The following ETFA variants were observed in gnomAD, a reference collection of about 807,000 sequenced individuals.
ETFA encodes the protein electron transfer flavoprotein subunit alpha.
A neutral mutation model predicts 46.2 loss-of-function variants in ETFA; 22 were observed. The observed-to-expected ratio is 0.48, with a 90% CI of 0.34 to 0.68. The LOEUF (loss-of-function observed/expected upper bound fraction) is 0.68, where lower values mean the gene tolerates loss of function less well. Among genes scored for constraint, ETFA ranks in the 30% least tolerant of loss-of-function variants. The pLI is 0.01. For synonymous variants in ETFA, 131 were observed against 139.9 expected, an observed-to-expected ratio of 0.94 and a Z score of 0.45; for missense variants, 345 against 401.1, an observed-to-expected ratio of 0.86 and a Z score of 1.19.
chr15:76,257,279 G>A (rs1377269536), intron 9 of ETFA, among the ~76,000 whole-genome samples: 1 of 152,128 alleles, frequency 6.6e-6, no homozygotes, highest in African/African-American at 2.4e-5. Flanking sequence ...GGGGAAGTTG[G>A]CACTAAAGTT....
chr15:76,295,525 T>G (rs1334151004), intron 2 of ETFA, 66 bp downstream of exon 2: 1 of 1,369,208 alleles, frequency 7.3e-7, no homozygotes, highest in Non-Finnish European at 1.0e-6. Flanking sequence ...TAATTCTCTG[T>G]TGCCATCTTT....
intron 1 of ETFA, among the ~76,000 whole-genome samples, chr15:76,310,315 G>T (rs1241487978): frequency 1.4e-4 from 19 of 134,698 alleles, no homozygotes; most frequent in Non-Finnish European, 2.8e-4. Flanking sequence ...AAGAGCTCCA[G>T]CTATGCCTCA....
chr15:76,258,165 T>TGTA (rs1277446983), intron 9 of ETFA, among the ~76,000 whole-genome samples: 21 of 141,030 alleles, frequency 1.5e-4, no homozygotes, highest in Admixed American at 1.4e-4. Context: ...AAACTTAAAG[T>TGTA]ATAATAATAA....
At chr15:76,223,216 C>CTTTTTTTT (rs3065601) in intron 11 of ETFA, among the ~76,000 whole-genome samples, 1 of 122,022 alleles carries the variant, frequency 8.2e-6, no homozygotes, top group Non-Finnish European at 1.6e-5. Context: ...TACTTCAGAA[C>CTTTTTTTT]TTTTTTTTTT....
At chr15:76,271,380 C>T (rs530285309) in intron 9 of ETFA, among the ~76,000 whole-genome samples, 18 of 152,144 alleles carry the variant, frequency 1.2e-4, no homozygotes, top group Non-Finnish European at 2.4e-4. Flanking sequence ...GGTATCACTT[C>T]TGTGATATTC....
At position 76,244,662 on chromosome 15, in the gene ETFA, A is replaced by G. The variant is rs1486607853; in HGVS notation, c.817-13264T>C. Among the ~76,000 whole-genome samples, 4 of 135,770 alleles carry G rather than the reference A, an allele frequency of 2.9e-5. No homozygotes were observed. The East Asian group carries it at 1.2e-3, about 40-fold the overall frequency. 89.1% of individuals were successfully genotyped at this position (135,770 alleles called of 152,430 possible). On this transcript the variant is annotated intron_variant, in intron 9 of 11. Transcript: ENST00000557943. Reference sequence around the variant, plus strand: ...TATGAGAAAATACATTGGTTTTTATAGGAAAAAAAAAAAACAAAATTACAT... The same window carrying G: ...TATGAGAAAATACATTGGTTTTTATGGGAAAAAAAAAAAACAAAATTACAT...
At chr15:76,222,947 A>G (rs2038972054) in intron 11 of ETFA, among the ~76,000 whole-genome samples, 1 of 150,950 alleles carries the variant, frequency 6.6e-6, no homozygotes, top group South Asian at 2.1e-4. Context: ...TGAACCTCCT[A>G]CCTCAGTCTC....
At chr15:76,231,209 T>TC in intron 10 of ETFA, 124 bp downstream of exon 10, 2 of 743,374 alleles carry the variant, frequency 2.7e-6, no homozygotes, top group Non-Finnish European at 2.5e-6. Flanking sequence ...TTCTTTCAGT[T>TC]CCCAGATCTA....
intron 6 of ETFA, 53 bp downstream of exon 6, chr15:76,286,318 T>C: frequency 1.0e-6 from 1 of 968,726 alleles, no homozygotes; most frequent in East Asian, 2.4e-5. Flanking sequence ...TAATACAGTC[T>C]ATGAATTAAA....
intron 11 of ETFA, among the ~76,000 whole-genome samples, chr15:76,220,095 T>A (rs1161921666): frequency 1.3e-5 from 2 of 152,174 alleles, no homozygotes; most frequent in Non-Finnish European, 2.9e-5. Context: ...TGAGATGGGT[T>A]CTCTTTTGCC....
intron 4 of ETFA, among the ~76,000 whole-genome samples, chr15:76,291,812 A>G (rs1403194119): frequency 2.6e-5 from 4 of 152,256 alleles, no homozygotes; most frequent in Non-Finnish European, 5.9e-5. Flanking sequence ...ACAAAAGAAA[A>G]GAGAGCTAAG....
chr15:76,242,754 T>C (rs1331624472), intron 9 of ETFA, among the ~76,000 whole-genome samples: 4 of 152,192 alleles, frequency 2.6e-5, no homozygotes, highest in African/African-American at 9.6e-5. Context: ...AATGTGAAAA[T>C]GTGCTAAATG....
chr15:76,256,165 C>G (rs1258169188), intron 9 of ETFA, among the ~76,000 whole-genome samples: 1 of 150,524 alleles, frequency 6.6e-6, no homozygotes, highest in Non-Finnish European at 1.5e-5. Context: ...GGCTGAGGCA[C>G]CAGAATCACT....
chr15:76,310,009 A>T (rs1425852570), intron 1 of ETFA: 1 of 149,768 alleles, frequency 6.7e-6, no homozygotes, highest in Non-Finnish European at 1.4e-5. Flanking sequence ...AGGCAGGTGG[A>T]TCACTTGAGG....
intron 2 of ETFA, among the ~76,000 whole-genome samples, chr15:76,293,806 A>G (rs1316348563): frequency 6.6e-6 from 1 of 152,240 alleles, no homozygotes; most frequent in Admixed American, 6.5e-5. Flanking sequence ...TGCTAAACCA[A>G]GTGTTCACCG....
Position 76,295,731 on chromosome 15 carries a change from A to G in ETFA, c.46T>C (p.Leu16=). 1.2e-6 allele frequency: 2 copies of G among 1,611,874 alleles called. No homozygotes were observed. The highest frequency in any genetic ancestry group is 1.1e-5 in the South Asian group (1 of 91,008). ...ACCAGGGTACTCTGAAATCGTAGCA[A>G]TGAGGCCTAAAAAGAGCAAAAAGGA... ...APGQLRRAAS[L]LRFQSTLVIA... Residue 16 remains leucine, a synonymous_variant, in exon 2 of 12, where the codon TTG becomes CTG. Transcript: ENST00000557943.
At chr15:76,281,416 C>T (rs1053030612) in intron 8 of ETFA, among the ~76,000 whole-genome samples, 2 of 151,696 alleles carry the variant, frequency 1.3e-5, no homozygotes, top group Non-Finnish European at 2.9e-5. Context: ...CTAACACTTA[C>T]GACTCTCTAA....
intron 9 of ETFA, among the ~76,000 whole-genome samples, chr15:76,235,597 C>T (rs1308173610): frequency 6.6e-6 from 1 of 152,128 alleles, no homozygotes; most frequent in East Asian, 1.9e-4. Flanking sequence ...CTTACTGTAC[C>T]TTACAGGTAA....
intron 10 of ETFA, chr15:76,229,243 C>G (rs1044675218): frequency 1.3e-5 from 2 of 152,180 alleles, no homozygotes; most frequent in Admixed American, 6.6e-5. Flanking sequence ...GGGGCTATGA[C>G]AACACAGGAC....
Sources: allele counts gnomAD v4.1 joint callset (sites outside exome capture counted in the v4.1 genomes callset), GRCh38; gene constraint gnomAD v4.1.1; transcripts MANE v1.5; gene names NCBI Gene and HGNC (gene_info 2026-07-23, HGNC 2026-07-21).